The following NPAS2 variants were observed in gnomAD, a reference collection of about 807,000 sequenced individuals.
NPAS2 encodes the protein neuronal PAS domain protein 2, also known as neuronal PAS domain-containing protein 2.
In NPAS2, 23 loss-of-function variants were observed where a neutral mutation model predicts 107.5. The ratio of observed to expected loss-of-function variants is 0.21; its 90% CI spans 0.15 to 0.30. NPAS2 has a LOEUF of 0.30. Ranked by LOEUF, NPAS2 falls within the 10% of genes least tolerant of loss-of-function variation. The pLI, the probability that NPAS2 is intolerant of heterozygous loss-of-function variation, is 1.00. For synonymous variants in NPAS2, 403 were observed against 417.5 expected, an observed-to-expected ratio of 0.97 and a Z score of 0.42; for missense variants, 756 against 1,043.3, an observed-to-expected ratio of 0.72 and a Z score of 3.79.
At chr2:100,850,180 A>G (rs568023172) in intron 1 of NPAS2, among the ~76,000 whole-genome samples, 2 of 152,334 alleles carry the variant, frequency 1.3e-5, no homozygotes, top group Non-Finnish European at 2.9e-5. Flanking sequence ...AAAGATCATT[A>G]ACCTTTAGAG....
chr2:100,892,824 TCTC>T (rs1681162867), intron 1 of NPAS2, among the ~76,000 whole-genome samples: 1 of 152,086 alleles, frequency 6.6e-6, no homozygotes, highest in South Asian at 2.1e-4. Flanking sequence ...TTCGAGTAAT[TCTC>T]CTGCCTCAGC....
At chr2:100,875,760 T>G (rs1047756858) in intron 1 of NPAS2, among the ~76,000 whole-genome samples, 2 of 152,244 alleles carry the variant, frequency 1.3e-5, no homozygotes, top group African/African-American at 4.8e-5. Flanking sequence ...CAGCATGCAC[T>G]TTTTTCCTTA....
intron 3 of NPAS2, among the ~76,000 whole-genome samples, chr2:100,929,041 T>C (rs887000289): frequency 2.6e-5 from 4 of 152,128 alleles, no homozygotes; most frequent in Non-Finnish European, 4.4e-5. Context: ...GTAGCTGGGA[T>C]TGCAGACACG....
intron 1 of NPAS2, among the ~76,000 whole-genome samples, chr2:100,885,105 C>A (rs185753952): frequency 6.6e-6 from 1 of 151,960 alleles, no homozygotes; most frequent in Non-Finnish European, 1.5e-5. Flanking sequence ...CCCACCAGCA[C>A]GCCCAGCTAA....
At chr2:100,822,115 GT>G (rs948634454) in intron 1 of NPAS2, among the ~76,000 whole-genome samples, 6 of 152,190 alleles carry the variant, frequency 3.9e-5, no homozygotes, top group African/African-American at 1.4e-4. Context: ...CCCACTGTGC[GT>G]AAATGTAGAA....
intron 1 of NPAS2, among the ~76,000 whole-genome samples, chr2:100,876,065 C>T (rs1679946692): frequency 6.6e-6 from 1 of 152,172 alleles, no homozygotes; most frequent in Admixed American, 6.5e-5. Flanking sequence ...TTTTCTCTAC[C>T]TTTACCACTC....
intron 1 of NPAS2, among the ~76,000 whole-genome samples, chr2:100,870,833 C>T (rs1449591063): frequency 3.3e-5 from 5 of 152,334 alleles, no homozygotes; most frequent in East Asian, 3.9e-4. Flanking sequence ...TTGTGGCAAG[C>T]GCTGATGCTT....
intron 13 of NPAS2, chr2:100,975,239 C>T (rs1676901261): frequency 3.4e-6 from 2 of 589,932 alleles, no homozygotes; most frequent in Non-Finnish European, 6.0e-6. Flanking sequence ...CTCATTGGAC[C>T]AAGCAGCCGA....
intron 15 of NPAS2, among the ~76,000 whole-genome samples, chr2:100,979,000 C>T (rs1157899667): frequency 1.3e-5 from 2 of 152,202 alleles, no homozygotes; most frequent in East Asian, 1.9e-4. Context: ...GCTAGAGCTG[C>T]GTCCCAGACG....
At chr2:100,971,840 C>A (rs1401398469) in intron 12 of NPAS2, among the ~76,000 whole-genome samples, 1 of 150,206 alleles carries the variant, frequency 6.7e-6, no homozygotes, top group East Asian at 1.9e-4. Context: ...ATTCTTAAAG[C>A]AGACACAAAT....
chr2:100,934,710 G>A, intron 4 of NPAS2: 1 of 829,038 alleles, frequency 1.2e-6, no homozygotes, highest in Non-Finnish European at 1.5e-6. Context: ...TGAGTGACTG[G>A]AGCCTTCTAG....
intron 1 of NPAS2, among the ~76,000 whole-genome samples, chr2:100,825,605 A>T (rs919317224): frequency 3.3e-5 from 5 of 152,202 alleles, no homozygotes; most frequent in Admixed American, 3.3e-4. Flanking sequence ...CTGCCTCTGG[A>T]GGTTTATCAG....
chr2:100,887,772 C>T (rs531462378), intron 1 of NPAS2, among the ~76,000 whole-genome samples: 17 of 152,190 alleles, frequency 1.1e-4, no homozygotes, highest in African/African-American at 3.9e-4. Context: ...TGGCATGAGC[C>T]ACCCAGGCTG....
intron 1 of NPAS2, among the ~76,000 whole-genome samples, chr2:100,861,753 T>C (rs1678955231): frequency 6.6e-6 from 1 of 152,222 alleles, no homozygotes. Context: ...TGTTTTCCCT[T>C]TGCAATGCTT....
chr2:100,834,943 G>C (rs1676965068), intron 1 of NPAS2, among the ~76,000 whole-genome samples: 1 of 152,146 alleles, frequency 6.6e-6, no homozygotes, highest in Non-Finnish European at 1.5e-5. Context: ...TCAAACTCCT[G>C]ACCTCAAGTG....
intron 2 of NPAS2, among the ~76,000 whole-genome samples, chr2:100,923,198 G>A (rs1683345504): frequency 6.6e-6 from 1 of 152,154 alleles, no homozygotes; most frequent in Non-Finnish European, 1.5e-5. Flanking sequence ...TAAAGAGAGT[G>A]GCTCGGCGAG....
intron 1 of NPAS2, among the ~76,000 whole-genome samples, chr2:100,887,851 C>T (rs1016157687): frequency 6.6e-6 from 1 of 152,182 alleles, no homozygotes; most frequent in African/African-American, 2.4e-5. Context: ...GCCCTGCATT[C>T]GCATCATTAG....
rs1178006855 is a variant in NPAS2, at chr2:100,976,554, T to TGG, written c.1392+987_1392+988insGG. Among the ~76,000 whole-genome samples, 10 of 152,232 alleles carry TGG rather than the reference T, an allele frequency of 6.6e-5. No homozygotes were observed. Among genetic ancestry groups the TGG allele is most frequent in the Admixed American group, 6.5e-4 (10 of 15,294 alleles). The stretch of plus-strand genomic sequence containing the variant: ...AGGAATTTTAGGGGCCACCTCCAGA[T>TGG]AGTTGCCAAACCCCTCCCACCCACA... On this transcript the variant is annotated intron_variant, in intron 14 of 20. Transcript: ENST00000335681. This position sits in a 1 kb window ranked among gnomAD's most constrained non-coding sequence, Gnocchi z 4.1.
chr2:100,829,950 C>G (rs1676624386), intron 1 of NPAS2, among the ~76,000 whole-genome samples: 1 of 152,170 alleles, frequency 6.6e-6, no homozygotes, highest in African/African-American at 2.4e-5. Flanking sequence ...CACCTGCTGT[C>G]CTCCAATAGG....
Sources: allele counts gnomAD v4.1 joint callset (sites outside exome capture counted in the v4.1 genomes callset), GRCh38; gene constraint gnomAD v4.1.1; non-coding constraint Gnocchi (gnomAD v3.1); transcripts MANE v1.5; gene names NCBI Gene and HGNC (gene_info 2026-07-23, HGNC 2026-07-21).